Variants in PIK3R4 observed in about 807,000 individuals in gnomAD.
The protein encoded by PIK3R4 is phosphoinositide 3-kinase regulatory subunit 4.
Under a neutral mutation model 136.5 loss-of-function variants are expected in PIK3R4, and 46 were observed. The observed-to-expected ratio is 0.34, with a 90% CI of 0.27 to 0.43. The LOEUF (loss-of-function observed/expected upper bound fraction) is 0.43, where lower values mean the gene tolerates loss of function less well. Ranked by LOEUF, PIK3R4 falls within the 20% of genes least tolerant of loss-of-function variation. PIK3R4 has a pLI of 1.00. For synonymous variants in PIK3R4, 557 were observed against 566.7 expected (o/e 0.98, Z 0.24); for missense variants, 1,331 against 1,649.5 (o/e 0.81, Z 3.35).
At chr3:130,702,880 C>T (rs966174698) in intron 13 of PIK3R4, among the ~76,000 whole-genome samples, 1 of 148,818 alleles carries the variant, frequency 6.7e-6, no homozygotes, top group Non-Finnish European at 1.5e-5. Flanking sequence ...GTTTTCCTTA[C>T]ACAGTTAGCC....
intron 6 of PIK3R4, among the ~76,000 whole-genome samples, chr3:130,725,242 T>C (rs970170622): frequency 2.0e-5 from 3 of 151,896 alleles, no homozygotes; most frequent in Admixed American, 2.0e-4. Flanking sequence ...AAATTGAATA[T>C]GGCTATGAAT....
At chr3:130,729,828 T>C (rs1359940885) in intron 5 of PIK3R4, among the ~76,000 whole-genome samples, 3 of 152,032 alleles carry the variant, frequency 2.0e-5, no homozygotes, top group East Asian at 3.8e-4. Flanking sequence ...CTGTAAAGAG[T>C]TGTATAACAC....
chr3:130,744,556 C>A lies in PIK3R4; in HGVS notation c.663G>T (p.Pro221=). 6.2e-7 allele frequency: 1 copy of A among 1,614,154 alleles called. No homozygotes were observed. Among genetic ancestry groups the A allele is most frequent in the Non-Finnish European group, 8.5e-7 (1 of 1,179,984 alleles). ...ELEYMRDPST[P]LVDLNSNQRT... ...TCTGATTGCTATTTAAGTCTACAAGCGGAGTTGAAGGATCTCTCATATATT... is the reference window on the plus strand; with the variant it reads ...TCTGATTGCTATTTAAGTCTACAAGAGGAGTTGAAGGATCTCTCATATATT... Residue 221 remains proline, a synonymous_variant, in exon 2 of 20, where the codon CCG becomes CCT. Transcript: ENST00000356763.
chr3:130,708,798 T>G (rs2066619169), intron 9 of PIK3R4, among the ~76,000 whole-genome samples: 1 of 152,144 alleles, frequency 6.6e-6, no homozygotes, highest in African/African-American at 2.4e-5. Context: ...GAACACAATG[T>G]GTGATATCTA....
At chr3:130,703,657 G>C (rs1344355601) in intron 13 of PIK3R4, 66 bp downstream of exon 13, 6 of 1,232,148 alleles carry the variant, frequency 4.9e-6, no homozygotes, top group Middle Eastern at 3.9e-4. Flanking sequence ...TTATTATAGA[G>C]TAAACACTCA....
chr3:130,740,555 T>C (rs1019926967), intron 2 of PIK3R4, among the ~76,000 whole-genome samples: 1 of 151,924 alleles, frequency 6.6e-6, no homozygotes, highest in African/African-American at 2.4e-5. Context: ...CTGGCCAACA[T>C]GGAGAAACCC....
intron 13 of PIK3R4, among the ~76,000 whole-genome samples, chr3:130,702,816 A>G (rs904030186): frequency 6.6e-6 from 1 of 152,260 alleles, no homozygotes; most frequent in Non-Finnish European, 1.5e-5. Context: ...AGGGATTTGA[A>G]GTCATAAATT....
intron 15 of PIK3R4, among the ~76,000 whole-genome samples, chr3:130,684,836 C>T (rs1310114607): frequency 6.6e-6 from 1 of 152,174 alleles, no homozygotes; most frequent in East Asian, 1.9e-4. Flanking sequence ...CAATTGTTTC[C>T]ATTTGCCCTT....
chr3:130,727,281 C>A (rs2066737275), intron 6 of PIK3R4, among the ~76,000 whole-genome samples: 1 of 151,284 alleles, frequency 6.6e-6, no homozygotes, highest in Admixed American at 6.6e-5. Flanking sequence ...ACTGCAGTGG[C>A]GCAATCTCAG....
chr3:130,723,596 G>A lies in PIK3R4; in HGVS notation c.1808-9C>T, dbSNP rs1559828066. Reference sequence around the variant, plus strand: ...AACATAGGCAGCAACACCTGGAAATGAAAAGCAATATTATGTGATTATTCA... The same window carrying A: ...AACATAGGCAGCAACACCTGGAAATAAAAAGCAATATTATGTGATTATTCA... On this transcript the variant is annotated splice_polypyrimidine_tract_variant and intron_variant, in intron 6 of 19. Coordinates refer to ENST00000356763, the MANE Select transcript of PIK3R4 (RefSeq NM_014602.3). 2.5e-6 allele frequency: 4 copies of A among 1,609,140 alleles called. No individual in the cohort carries two copies. The Admixed American group carries it at 5.1e-5, about 20-fold the overall frequency.
chr3:130,725,283 C>A (rs1343654284), intron 6 of PIK3R4, among the ~76,000 whole-genome samples: 2 of 151,178 alleles, frequency 1.3e-5, no homozygotes, highest in African/African-American at 2.4e-5. Context: ...ATCAATGGAA[C>A]AGACTAGATA....
chr3:130,738,295 T>C (rs1285965201), intron 2 of PIK3R4, among the ~76,000 whole-genome samples: 1 of 152,254 alleles, frequency 6.6e-6, no homozygotes, highest in African/African-American at 2.4e-5. Context: ...GTGTATTAAA[T>C]GCATTTTCTA....
chr3:130,724,555 T>A (rs1371744492), intron 6 of PIK3R4, among the ~76,000 whole-genome samples: 1 of 152,048 alleles, frequency 6.6e-6, no homozygotes, highest in Non-Finnish European at 1.5e-5. Flanking sequence ...GAATGTATTA[T>A]TAACTATGAC....
At chr3:130,709,703 T>A (rs1467878361) in intron 9 of PIK3R4, among the ~76,000 whole-genome samples, 1 of 152,024 alleles carries the variant, frequency 6.6e-6, no homozygotes, top group Non-Finnish European at 1.5e-5. Context: ...TAAATAGTAA[T>A]GAAATACTGA....
At position 130,692,523 on chromosome 3, in the gene PIK3R4, T is replaced by C. The variant is rs146785309; in HGVS notation, c.3099-1869A>G. On this transcript the variant is annotated intron_variant, in intron 13 of 19. Transcript: ENST00000356763. Reference sequence around the variant, plus strand: ...TAATGTCAAAGTTTATGGTGTGGTATGTAATACCTCATTCATTTTTAGGCT... The same window carrying C: ...TAATGTCAAAGTTTATGGTGTGGTACGTAATACCTCATTCATTTTTAGGCT... Among the ~76,000 whole-genome samples, 561 of 152,354 alleles carry C rather than the reference T, an allele frequency of 3.7e-3. 4 individuals carry two copies. Among genetic ancestry groups the C allele is most frequent in the African/African-American group, 0.013 (521 of 41,582 alleles).
In PIK3R4 at chr3:130,734,114, T is replaced by A. The variant is rs2066773721; in HGVS notation, c.884A>T (p.His295Leu). ...SIRELVTQMI[H>L]REPDKRLEAE... ...CTCTAAACGTTTATCTGGCTCACGG[T>A]GAATCATCTGAGTTACCTATACCAA... The change falls in exon 4 of 20, where the codon CAC becomes CTC. Residue 295 changes from histidine (H) to leucine (L), a missense_variant. His to Leu is a moderately conservative substitution (Grantham distance 99, BLOSUM62 -3). This residue lies in a region of PIK3R4 where 1,180 missense variants were observed against 1,407.0 expected (regional missense o/e 0.84). Coordinates refer to ENST00000356763, the MANE Select transcript of PIK3R4 (RefSeq NM_014602.3). 1.2e-6 allele frequency: 2 copies of A among 1,611,914 alleles called. No individual in the cohort carries two copies. Among genetic ancestry groups the A allele is most frequent in the African/African-American group, 2.7e-5 (2 of 74,890 alleles).
chr3:130,740,511 G>A (rs574432544), intron 2 of PIK3R4, among the ~76,000 whole-genome samples: 11 of 152,192 alleles, frequency 7.2e-5, no homozygotes, highest in South Asian at 4.2e-4. Context: ...CCAAGGGGGC[G>A]CGGATCACTT....
At chr3:130,730,228 A>G in intron 5 of PIK3R4, 80 bp downstream of exon 5, 1 of 1,189,922 alleles carries the variant, frequency 8.4e-7, no homozygotes, top group African/African-American at 1.6e-5. Flanking sequence ...TTACATGAAA[A>G]CTACAAATGA....
Position 130,728,691 on chromosome 3 carries a change from A to AAG in PIK3R4, c.1586-8_1586-7insCT. 1 of 1,490,808 alleles carries AAG rather than the reference A, an allele frequency of 6.7e-7. No individual in the cohort carries two copies. Among genetic ancestry groups the AAG allele is most frequent in the Non-Finnish European group, 9.0e-7 (1 of 1,105,822 alleles). 92.3% of individuals were successfully genotyped at this position (1,490,808 alleles called of 1,614,324 possible). On this transcript the variant is annotated splice_polypyrimidine_tract_variant and splice_region_variant and intron_variant, in intron 5 of 19. Coordinates refer to ENST00000356763, the MANE Select transcript of PIK3R4 (RefSeq NM_014602.3). ...TCATGTAAGGCTTGGAGCTCTAAAA[A>AAG]AAAAAAAAAAAGAAAGAAAGAAAGA... is the stretch of plus-strand genomic sequence containing the variant.
Sources: gnomAD v4.1 joint callset for allele counts (sites outside exome capture counted in the v4.1 genomes callset) on GRCh38, gnomAD v4.1.1 for gene constraint, gnomAD v4.1.1 regional missense constraint, MANE v1.5 for transcripts, NCBI Gene and HGNC (gene_info 2026-07-23, HGNC 2026-07-21) for gene names.